Variants in OLFM3 observed in about 807,000 individuals in gnomAD.
The protein encoded by OLFM3 is noelin-3.
A neutral mutation model predicts 48.6 loss-of-function variants in OLFM3; 20 were observed. The observed-to-expected ratio is 0.41, with a 90% CI of 0.29 to 0.60. OLFM3 has a LOEUF of 0.60. OLFM3 is among the 20% of genes least tolerant of loss of function. The pLI, the probability that OLFM3 is intolerant of heterozygous loss-of-function variation, is 0.28. For missense variants in OLFM3, 437 were observed against 544.3 expected, an observed-to-expected ratio of 0.80 and a Z score of 1.96; for synonymous variants, 222 against 198.1, an observed-to-expected ratio of 1.12 and a Z score of -1.01.
At chr1:101,925,254 CTT>C (rs149989815) in intron 1 of OLFM3, among the ~76,000 whole-genome samples, 5 of 146,058 alleles carry the variant, frequency 3.4e-5, no homozygotes, top group Non-Finnish European at 7.5e-5. Context: ...AAATATTTGT[CTT>C]TTTTTTTTCT....
chr1:101,978,646 T>C (rs752624641), intron 1 of OLFM3, among the ~76,000 whole-genome samples: 7 of 152,212 alleles, frequency 4.6e-5, no homozygotes, highest in Non-Finnish European at 1.0e-4. Flanking sequence ...CACTCTTTAG[T>C]AGTAACCAGA....
Position 101,916,234 on chromosome 1 carries a change from A to G in OLFM3, c.70-79209T>C, listed in dbSNP as rs535573577. On this transcript the variant is annotated intron_variant, in intron 1 of 5. Transcript: ENST00000370103. ...TCTTTAAAAGTTCAAACTTTCAAAG[A>G]CAGATATTATCATTCCCCTCTTTCA... 3.3e-5 allele frequency among the ~76,000 whole-genome samples: 5 copies of G among 152,286 alleles called. No individual in the cohort carries two copies. In the South Asian group the frequency reaches 8.3e-4, roughly 25 times the overall value.
chr1:101,855,519 G>T (rs1448207669), intron 1 of OLFM3, among the ~76,000 whole-genome samples: 1 of 152,042 alleles, frequency 6.6e-6, no homozygotes, highest in South Asian at 2.1e-4. Flanking sequence ...AAAACAATTA[G>T]AATTATGTGG....
At position 101,842,088 on chromosome 1, in the gene OLFM3, T is replaced by C. The variant is rs375246054; in HGVS notation, c.70-5063A>G. On this transcript the variant is annotated intron_variant, in intron 1 of 5. Transcript: ENST00000370103. ...TGGAGGATGTTAATAAAGATGTCAC[T>C]GCATAGCTGTTTTCTTGCTATTACT... Among the ~76,000 whole-genome samples, 12 of 152,238 alleles carry C rather than the reference T, an allele frequency of 7.9e-5. No homozygotes were observed. The East Asian group carries it at 1.9e-3, about 24-fold the overall frequency.
chr1:101,986,681 A>G (rs1570692471), intron 1 of OLFM3, among the ~76,000 whole-genome samples: 1 of 152,202 alleles, frequency 6.6e-6, no homozygotes, highest in East Asian at 1.9e-4. Flanking sequence ...CTGCAAAGTT[A>G]AGACGTAAGT....
At chr1:101,811,589 CTCA>C (rs1557683303) in intron 4 of OLFM3, among the ~76,000 whole-genome samples, 1 of 152,124 alleles carries the variant, frequency 6.6e-6, no homozygotes. Flanking sequence ...TGAAAAAATG[CTCA>C]TCATCACTGG....
chr1:101,830,597 A>G (rs1323117353), intron 3 of OLFM3, 75 bp downstream of exon 3: 1 of 1,492,886 alleles, frequency 6.7e-7, no homozygotes, highest in East Asian at 2.3e-5. Context: ...ATTCATTTCT[A>G]GCTGAGTGCC....
rs763044571 is a variant in OLFM3, at chr1:101,803,155, A to G, written c.*1083T>C. On this transcript the variant is annotated 3_prime_UTR_variant, in exon 6 of 6. Transcript: ENST00000370103. ...TCATAATCTAAATCTAGAGGACATT[A>G]CAGAATTTTTTTTTTCTAAGAGTTT... is the stretch of plus-strand genomic sequence containing the variant. The G allele has an allele frequency of 5.9e-5, 9 of 152,270 alleles. No individual in the cohort carries two copies. Among genetic ancestry groups the G allele is most frequent in the African/African-American group, 9.6e-5 (4 of 41,514 alleles). The allele number at this position is 152,270 out of a possible 1,614,324, so 9.4% of individuals were successfully genotyped here.
rs140616464 is a variant in OLFM3, at chr1:101,807,307, G to T, written c.593-1125C>A. Among the ~76,000 whole-genome samples the T allele has an allele frequency of 5.7e-3, 867 of 151,586 alleles. 10 individuals carry two copies. The highest frequency in any genetic ancestry group is 0.02 in the African/African-American group (810 of 41,412). On this transcript the variant is annotated intron_variant, in intron 4 of 5. Coordinates refer to ENST00000370103, the MANE Select transcript of OLFM3 (RefSeq NM_058170.4). ...GACTGCCTATAAAATGTTGGGTTTTGGTCTAAACAAAAGTCTTCTTTCTTG... is the reference window on the plus strand; with the variant it reads ...GACTGCCTATAAAATGTTGGGTTTTTGTCTAAACAAAAGTCTTCTTTCTTG...
chr1:101,831,697 G>T (rs1411250325), intron 2 of OLFM3, among the ~76,000 whole-genome samples: 1 of 152,034 alleles, frequency 6.6e-6, no homozygotes. Flanking sequence ...CAACAATTTT[G>T]GTATCACCTA....
At chr1:101,957,154 C>T (rs1053775289) in intron 1 of OLFM3, among the ~76,000 whole-genome samples, 7 of 151,886 alleles carry the variant, frequency 4.6e-5, no homozygotes, top group Non-Finnish European at 7.4e-5. Context: ...CCAAATAAAA[C>T]CAATTACATA....
At chr1:101,812,023 G>A (rs1002952580) in intron 4 of OLFM3, among the ~76,000 whole-genome samples, 10 of 152,082 alleles carry the variant, frequency 6.6e-5, no homozygotes, top group Middle Eastern at 3.2e-3. Context: ...GGATGAGTTC[G>A]TGTCCTTTGT....
chr1:101,815,712 G>A (rs141921201), intron 4 of OLFM3, among the ~76,000 whole-genome samples: 1 of 152,140 alleles, frequency 6.6e-6, no homozygotes, highest in Non-Finnish European at 1.5e-5. Context: ...GGAGGAATGG[G>A]TTTGGGAGCA....
At chr1:101,963,535 C>CGA (rs397727950) in intron 1 of OLFM3, among the ~76,000 whole-genome samples, 1 of 151,980 alleles carries the variant, frequency 6.6e-6, no homozygotes, top group Non-Finnish European at 1.5e-5. Context: ...AGACTTACAG[C>CGA]CTGGCTTGAC....
chr1:101,912,559 C>A (rs1445227016), intron 1 of OLFM3, among the ~76,000 whole-genome samples: 2 of 152,170 alleles, frequency 1.3e-5, no homozygotes, highest in Non-Finnish European at 2.9e-5. Context: ...GAGGTTTGAA[C>A]TACACTTATT....
chr1:101,931,260 G>GT (rs1406294063), intron 1 of OLFM3, among the ~76,000 whole-genome samples: 2 of 152,062 alleles, frequency 1.3e-5, no homozygotes, highest in Non-Finnish European at 1.5e-5. Context: ...CCAAAAAATT[G>GT]TTTTTTTCTC....
chr1:101,961,434 C>T (rs528552482), intron 1 of OLFM3, among the ~76,000 whole-genome samples: 1 of 151,694 alleles, frequency 6.6e-6, no homozygotes, highest in Non-Finnish European at 1.5e-5. Flanking sequence ...ACATTTAAAG[C>T]CTTTTTTGTT....
At chr1:101,973,173 T>G (rs11164353) in intron 1 of OLFM3, among the ~76,000 whole-genome samples, 152,336 of 152,354 alleles carry the variant, frequency 1, 76,159 homozygotes, top group Middle Eastern at 1. Context: ...GAAGCCCAAA[T>G]CCCCAAGGCA....
chr1:101,993,747 C>T (rs138158430), intron 1 of OLFM3, among the ~76,000 whole-genome samples: 80 of 151,702 alleles, frequency 5.3e-4, no homozygotes, highest in African/African-American at 1.8e-3. Flanking sequence ...AAAAGAATAC[C>T]AATCTTGCCA....
Sources: gnomAD v4.1 joint callset for allele counts (sites outside exome capture counted in the v4.1 genomes callset) on GRCh38, gnomAD v4.1.1 for gene constraint, MANE v1.5 for transcripts, NCBI Gene and HGNC (gene_info 2026-07-23, HGNC 2026-07-21) for gene names.